DMD: variants seen among roughly 807,000 people sequenced by gnomAD.
The protein encoded by DMD is mutant dystrophin.
A neutral mutation model predicts 330.1 loss-of-function variants in DMD; 63 were observed. The observed-to-expected ratio is 0.19, with a 90% CI of 0.16 to 0.24. The LOEUF (loss-of-function observed/expected upper bound fraction) is 0.24, where lower values mean the gene tolerates loss of function less well. Ranked by LOEUF, DMD falls within the 10% of genes least tolerant of loss-of-function variation. DMD has a pLI of 1.00. For synonymous variants in DMD, 1,223 were observed against 959.8 expected (o/e 1.27, Z -5.07); for missense variants, 3,344 against 2,684.1 (o/e 1.25, Z -5.43).
intron 55 of DMD, among the ~76,000 whole-genome samples, chrX:31,536,503 A>C (rs1228637395): frequency 8.9e-6 from 1 of 111,816 alleles, no homozygotes; most frequent in Non-Finnish European, 1.9e-5. Flanking sequence ...AAAACTGCTC[A>C]CTGATTGTGT....
At chrX:31,530,230 A>G (rs1160355612) in intron 55 of DMD, among the ~76,000 whole-genome samples, 1 of 112,383 alleles carries the variant, frequency 8.9e-6, no homozygotes, top group Non-Finnish European at 1.9e-5. Flanking sequence ...ACACAACAAC[A>G]CAGCAAAATC....
At chrX:33,049,697 A>G (rs1240948375) in intron 1 of DMD, among the ~76,000 whole-genome samples, 1 of 111,297 alleles carries the variant, frequency 9.0e-6, no homozygotes, top group Non-Finnish European at 1.9e-5. Context: ...GTGAATTTTT[A>G]GAAGCTATTA....
At chrX:32,072,189 C>T (rs1361567457) in intron 44 of DMD, among the ~76,000 whole-genome samples, 1 of 111,258 alleles carries the variant, frequency 9.0e-6, no homozygotes, top group Non-Finnish European at 1.9e-5. Flanking sequence ...CGGTTGGGTG[C>T]TGATATACGT....
intron 44 of DMD, among the ~76,000 whole-genome samples, chrX:32,166,602 C>A (rs763875172): frequency 8.9e-6 from 1 of 111,974 alleles, no homozygotes; most frequent in East Asian, 2.8e-4. Flanking sequence ...CTTCCCATTA[C>A]TATATGAGCT....
rs140386810 is a variant in DMD, at chrX:32,542,160, G to A, written c.2168+2999C>T. ...TAAAGAAGTCAAAAGGCCGGGCATG[G>A]TGGCTCATGCCTGTAATCCCAGCAC... On this transcript the variant is annotated intron_variant, in intron 17 of 78. Transcript: ENST00000357033. Among the ~76,000 whole-genome samples the A allele has an allele frequency of 1.6e-3, 179 of 111,857 alleles. 1 individual carries two copies. Among genetic ancestry groups the A allele is most frequent in the Middle Eastern group, 4.6e-3 (1 of 219 alleles).
At chrX:32,988,009 ACAG>A (rs2092888632) in intron 2 of DMD, among the ~76,000 whole-genome samples, 1 of 110,337 alleles carries the variant, frequency 9.1e-6, no homozygotes, top group Non-Finnish European at 1.9e-5. Context: ...AAAATCACAC[ACAG>A]CATGTCTCAT....
chrX:31,497,272 T>G (rs984335451), intron 56 of DMD, among the ~76,000 whole-genome samples: 5 of 112,182 alleles, frequency 4.5e-5, no homozygotes, highest in African/African-American at 1.6e-4. Flanking sequence ...ATGCAGTGAC[T>G]AATGAAAAAC....
intron 44 of DMD, among the ~76,000 whole-genome samples, chrX:32,156,190 G>A (rs2096829560): frequency 9.0e-6 from 1 of 111,558 alleles, no homozygotes; most frequent in Non-Finnish European, 1.9e-5. Flanking sequence ...GACTGTCCTG[G>A]CCAACATGGT....
intron 44 of DMD, among the ~76,000 whole-genome samples, chrX:32,086,103 A>G (rs1055384250): frequency 8.9e-6 from 1 of 112,167 alleles, no homozygotes; most frequent in Non-Finnish European, 1.9e-5. Context: ...TGTATAATTC[A>G]GCAAAAATAT....
At chrX:31,906,743 T>C (rs1022130760) in intron 47 of DMD, among the ~76,000 whole-genome samples, 3 of 112,055 alleles carry the variant, frequency 2.7e-5, no homozygotes, top group Non-Finnish European at 5.6e-5. Flanking sequence ...ACAGAAATGA[T>C]TGAAATTCCT....
intron 55 of DMD, among the ~76,000 whole-genome samples, chrX:31,620,717 T>C (rs2078484255): frequency 9.0e-6 from 1 of 111,363 alleles, no homozygotes; most frequent in Non-Finnish European, 1.9e-5. Flanking sequence ...GCCTGGCCCA[T>C]GATATGAATT....
intron 7 of DMD, among the ~76,000 whole-genome samples, chrX:32,768,420 C>A (rs1159494527): frequency 9.0e-6 from 1 of 111,672 alleles, no homozygotes; most frequent in Admixed American, 9.5e-5. Context: ...AAGCTTTGTG[C>A]CAATTTTGTC....
intron 18 of DMD, among the ~76,000 whole-genome samples, chrX:32,515,768 T>C (rs1218478510): frequency 9.0e-6 from 1 of 111,556 alleles, no homozygotes; most frequent in East Asian, 2.8e-4. Context: ...CAAAGGCAAA[T>C]TTTGATTTAC....
chrX:32,035,640 T>G (rs6631467), intron 44 of DMD: 1 of 236,891 alleles, frequency 4.2e-6, no homozygotes, highest in Non-Finnish European at 7.7e-6. Context: ...AAAACACATA[T>G]AGTAATATTA....
At chrX:31,287,731 C>G (rs1156689103) in intron 62 of DMD, among the ~76,000 whole-genome samples, 1 of 112,197 alleles carries the variant, frequency 8.9e-6, no homozygotes, top group African/African-American at 3.2e-5. Context: ...CTTTGCCATG[C>G]TAGTTATAGG....
intron 7 of DMD, among the ~76,000 whole-genome samples, chrX:32,746,568 A>G (rs1001949472): frequency 4.5e-5 from 5 of 111,594 alleles, no homozygotes; most frequent in African/African-American, 1.3e-4. Flanking sequence ...TTTCTTTTTA[A>G]TGTTTAATCG....
chrX:33,115,447 T>C (rs1215003103), intron 1 of DMD, among the ~76,000 whole-genome samples: 1 of 110,655 alleles, frequency 9.0e-6, no homozygotes, highest in Non-Finnish European at 1.9e-5. Context: ...AGGGGGAGGT[T>C]CCTTTTCAAG....
chrX:31,199,699 T>C (rs1003979986), intron 67 of DMD, among the ~76,000 whole-genome samples: 1 of 111,828 alleles, frequency 8.9e-6, no homozygotes, highest in African/African-American at 3.3e-5. Context: ...TGTACCAACC[T>C]GAAACAAAGT....
chrX:31,674,399 T>C (rs913939191), intron 53 of DMD, among the ~76,000 whole-genome samples: 5 of 112,451 alleles, frequency 4.4e-5, no homozygotes, highest in Non-Finnish European at 9.4e-5. Context: ...AAGAATGCCT[T>C]CAAAAACACA....
Sources: gnomAD v4.1 joint callset for allele counts (sites outside exome capture counted in the v4.1 genomes callset) on GRCh38, gnomAD v4.1.1 for gene constraint, MANE v1.5 for transcripts, NCBI Gene and HGNC (gene_info 2026-07-23, HGNC 2026-07-21) for gene names.